Variants in C5orf24 observed in about 807,000 individuals in gnomAD.
C5orf24 encodes the protein UPF0461 protein C5orf24.
C5orf24 carries 4 observed loss-of-function variants against 9.8 expected under a neutral mutation model. The ratio of observed to expected loss-of-function variants is 0.41; its 90% CI spans 0.20 to 0.93. The LOEUF (loss-of-function observed/expected upper bound fraction) is 0.93, where lower values mean the gene tolerates loss of function less well. Ranked by LOEUF, C5orf24 falls within the 40% of genes least tolerant of loss-of-function variation. The pLI, the probability that C5orf24 is intolerant of heterozygous loss-of-function variation, is 0.33. For synonymous variants in C5orf24, 73 were observed against 81.3 expected (o/e 0.90, Z 0.55); for missense variants, 170 against 236.9 (o/e 0.72, Z 1.85).
chr5:134,850,430 A>T (rs1257590045), intron 1 of C5orf24, among the ~76,000 whole-genome samples: 1 of 150,886 alleles, frequency 6.6e-6, no homozygotes, highest in Non-Finnish European at 1.5e-5. Context: ...TACAGGCGTG[A>T]ACCACCATGG....
At position 134,858,464 on chromosome 5, in the gene C5orf24, T is replaced by C. The variant is rs773329776; in HGVS notation, c.*2997T>C. ...GTTGCCTATACTTTAATATAATCAG[T>C]TGGGGAAAACTGGCCTTTTCTCCCC... On this transcript the variant is annotated 3_prime_UTR_variant, in exon 2 of 2. Coordinates refer to ENST00000394976, the MANE Select transcript of C5orf24 (RefSeq NM_001135586.1). 3 of 166,980 alleles carry C rather than the reference T, an allele frequency of 1.8e-5. No homozygotes were observed. The highest frequency in any genetic ancestry group is 2.1e-4 in the South Asian group (1 of 4,836). The allele number at this position is 166,980 out of a possible 1,614,324, so 10.3% of individuals were successfully genotyped here.
the C5orf24 span, among the ~76,000 whole-genome samples, chr5:134,838,076 G>C: frequency 6.6e-6 from 1 of 152,036 alleles, no homozygotes; most frequent in African/African-American, 2.4e-5. Context: ...GGGAGACCCC[G>C]TCTGTATTTA....
chr5:134,857,159 A>G lies in C5orf24; in HGVS notation c.*1692A>G, dbSNP rs1756336458. 3.8e-6 allele frequency: 5 copies of G among 1,319,048 alleles called. No individual in the cohort carries two copies. In the African/African-American group the frequency reaches 4.5e-5, roughly 12 times the overall value. 81.7% of individuals were successfully genotyped at this position (1,319,048 alleles called of 1,614,324 possible). The stretch of plus-strand genomic sequence containing the variant: ...ATATTATAAACTTCAGACTTGAAAA[A>G]ATTCCACTTAACTTTAAAGTTACAA... On this transcript the variant is annotated 3_prime_UTR_variant, in exon 2 of 2. Transcript: ENST00000394976.
rs1333310472 is a variant in C5orf24 at position 134,852,665 on chromosome 5, C to T, written c.-3-2233C>T. Among the ~76,000 whole-genome samples the T allele has an allele frequency of 3.9e-5, 6 of 152,292 alleles. No homozygotes were observed. The East Asian group carries it at 1.2e-3, about 29-fold the overall frequency. On this transcript the variant is annotated intron_variant, in intron 1 of 1. Transcript: ENST00000394976. ...GCTGGACCTTAATATACATTTGTGA[C>T]TCTTTATAAATCCGAATTGGAACCC...
Position 134,857,243 on chromosome 5 carries a change from A to G in C5orf24, c.*1776A>G. 2.2e-6 allele frequency: 3 copies of G among 1,340,088 alleles called. No individual in the cohort carries two copies. The highest frequency in any genetic ancestry group is 2.9e-6 in the Non-Finnish European group (3 of 1,033,902). The allele number at this position is 1,340,088 out of a possible 1,614,324, so 83.0% of individuals were successfully genotyped here. The stretch of plus-strand genomic sequence containing the variant: ...TTAAAATGTAGAATTGCAGGACCCA[A>G]AAACTTTTAAAATAATTAAAATTTT... On this transcript the variant is annotated 3_prime_UTR_variant, in exon 2 of 2. Transcript: ENST00000394976.
chr5:134,850,665 C>T (rs1313768208), intron 1 of C5orf24, among the ~76,000 whole-genome samples: 3 of 150,756 alleles, frequency 2.0e-5, no homozygotes, highest in East Asian at 2.0e-4. Flanking sequence ...TTAGTAGAGA[C>T]GGGGTTTTAC....
At chr5:134,849,168 T>G (rs1756083931) in intron 1 of C5orf24, among the ~76,000 whole-genome samples, 1 of 151,782 alleles carries the variant, frequency 6.6e-6, no homozygotes, top group African/African-American at 2.4e-5. Flanking sequence ...GGCAGGAGAA[T>G]CGCTTAAACC....
chr5:134,847,983 C>T, intron 1 of C5orf24, among the ~76,000 whole-genome samples: 1 of 152,140 alleles, frequency 6.6e-6, no homozygotes, highest in Non-Finnish European at 1.5e-5. Flanking sequence ...GATTACAGGC[C>T]TGAGCCACCG....
Position 134,854,883 on chromosome 5 carries a change from T to A in C5orf24, c.-3-15T>A, listed in dbSNP as rs760289237. 5 of 1,612,212 alleles carry A rather than the reference T, an allele frequency of 3.1e-6. No individual in the cohort carries two copies. Among genetic ancestry groups the A allele is most frequent in the Middle Eastern group, 1.6e-4 (1 of 6,076 alleles). Reference sequence around the variant, plus strand: ...GTGTGTGTATTTATATATATTTGTCTTTTATTTTTGGTAGAAAATGATGCA... The same window carrying A: ...GTGTGTGTATTTATATATATTTGTCATTTATTTTTGGTAGAAAATGATGCA... On this transcript the variant is annotated splice_polypyrimidine_tract_variant and intron_variant, in intron 1 of 1. Transcript: ENST00000394976.
upstream of C5orf24, among the ~76,000 whole-genome samples, chr5:134,841,426 C>T (rs1373914623): frequency 6.6e-6 from 1 of 151,976 alleles, no homozygotes; most frequent in Non-Finnish European, 1.5e-5. Flanking sequence ...CCCCTCTCTA[C>T]TAAAAATACA....
chr5:134,853,871 A>G (rs1277799117), intron 1 of C5orf24, among the ~76,000 whole-genome samples: 2 of 152,192 alleles, frequency 1.3e-5, no homozygotes, highest in African/African-American at 4.8e-5. Flanking sequence ...TCACGAGGTC[A>G]GGAGTTCGAG....
chr5:134,855,748 C>T lies in C5orf24; in HGVS notation c.*281C>T. 1 of 1,299,374 alleles carries T rather than the reference C, an allele frequency of 7.7e-7. No homozygotes were observed. Among genetic ancestry groups the T allele is most frequent in the Non-Finnish European group, 9.9e-7 (1 of 1,014,988 alleles). The allele number at this position is 1,299,374 out of a possible 1,614,324, so 80.5% of individuals were successfully genotyped here. On this transcript the variant is annotated 3_prime_UTR_variant, in exon 2 of 2. Transcript: ENST00000394976. ...TATGGTCATGTCTCATGTTTCATTA[C>T]TACTTTGGGGCTGTTCTAAATAGAT...
At chr5:134,842,839 T>G (rs918251794), upstream of C5orf24, among the ~76,000 whole-genome samples, 3 of 152,308 alleles carry the variant, frequency 2.0e-5, no homozygotes, top group Middle Eastern at 0.01. Context: ...ATAAATGTAC[T>G]TGCTTTTGTC....
chr5:134,834,477 A>G, the C5orf24 span, among the ~76,000 whole-genome samples: 1 of 152,194 alleles, frequency 6.6e-6, no homozygotes, highest in African/African-American at 2.4e-5. Context: ...TTAACTTTGG[A>G]AAAGAGTCCT....
At chr5:134,853,485 C>G (rs1013889458) in intron 1 of C5orf24, among the ~76,000 whole-genome samples, 18 of 147,800 alleles carry the variant, frequency 1.2e-4, no homozygotes, top group African/African-American at 4.4e-4. Flanking sequence ...ACAGGGATGT[C>G]CTTACAGACA....
chr5:134,853,510 G>T lies in C5orf24; in HGVS notation c.-3-1388G>T, dbSNP rs1374459195. Among the ~76,000 whole-genome samples, 5 of 146,316 alleles carry T rather than the reference G, an allele frequency of 3.4e-5. No individual in the cohort carries two copies. The East Asian group carries it at 8.0e-4, about 23-fold the overall frequency. On this transcript the variant is annotated intron_variant, in intron 1 of 1. Transcript: ENST00000394976. ...CCTTACAGACAAAATAGAGACTTTG[G>T]ACCTTCTTCTTCTTCTTCTTTTTTT...
At chr5:134,835,568 A>G in the C5orf24 span, among the ~76,000 whole-genome samples, 2 of 152,068 alleles carry the variant, frequency 1.3e-5, no homozygotes, top group Non-Finnish European at 2.9e-5. Flanking sequence ...AATTGCATGA[A>G]TCCAGGAGGT....
chr5:134,842,155 A>C (rs1755902378), upstream of C5orf24, among the ~76,000 whole-genome samples: 1 of 152,152 alleles, frequency 6.6e-6, no homozygotes, highest in Non-Finnish European at 1.5e-5. Flanking sequence ...TTCTTGAAGC[A>C]CTATTTTGCA....
In C5orf24 at chr5:134,856,904, A is replaced by G. The variant is rs1756329403; in HGVS notation, c.*1437A>G. The G allele has an allele frequency of 2.2e-5, 22 of 1,001,118 alleles. No individual in the cohort carries two copies. Among genetic ancestry groups the G allele is most frequent in the Non-Finnish European group, 2.5e-5 (21 of 830,708 alleles). The allele number at this position is 1,001,118 out of a possible 1,614,324, so 62.0% of individuals were successfully genotyped here. ...AATCCATCTATGCATGAAACATGTA[A>G]AAAATATGTTGGTTAGTTTAATTAA... On this transcript the variant is annotated 3_prime_UTR_variant, in exon 2 of 2. Coordinates refer to ENST00000394976, the MANE Select transcript of C5orf24 (RefSeq NM_001135586.1).
Sources: gnomAD v4.1 joint callset for allele counts (sites outside exome capture counted in the v4.1 genomes callset) on GRCh38, gnomAD v4.1.1 for gene constraint, MANE v1.5 for transcripts, NCBI Gene and HGNC (gene_info 2026-07-23, HGNC 2026-07-21) for gene names.